ZNF100: variants seen among roughly 807,000 people sequenced by gnomAD.
The protein encoded by ZNF100 is zinc finger protein 100 (Y1).
A neutral mutation model predicts 15.8 loss-of-function variants in ZNF100; 12 were observed. The observed-to-expected ratio is 0.76, with a 90% CI of 0.49 to 1.23. The LOEUF (loss-of-function observed/expected upper bound fraction) is 1.23, where lower values mean the gene tolerates loss of function less well. Ranked by LOEUF, ZNF100 falls within the 50% of genes most tolerant of loss-of-function variation. The probability of loss-of-function intolerance (pLI) is 0.00; values close to 1 mark genes in which losing one functional copy is unlikely to be tolerated. For synonymous variants in ZNF100, 226 were observed against 214.8 expected (o/e 1.05, Z -0.45); for missense variants, 670 against 635.6 (o/e 1.05, Z -0.58).
intron 2 of ZNF100, chr19:21,750,854 A>C: frequency 2.0e-6 from 1 of 491,450 alleles, no homozygotes; most frequent in Non-Finnish European, 3.6e-6. Flanking sequence ...CCCATGGGGA[A>C]CACGCTGACC....
At position 21,747,935 on chromosome 19, in the gene ZNF100, A is replaced by G. The variant is rs144084308; in HGVS notation, c.97-2868T>C. Among the ~76,000 whole-genome samples the G allele has an allele frequency of 6.5e-3, 982 of 152,100 alleles. 29 individuals are homozygous for G. The highest frequency in any genetic ancestry group is 0.049 in the Admixed American group (739 of 15,206). The stretch of plus-strand genomic sequence containing the variant: ...TTCTCAGGATTTAGATAAAGGGCCC[A>G]GCATTATTACTTCTTCCTCTGTTTC... On this transcript the variant is annotated intron_variant, in intron 2 of 4. Transcript: ENST00000358296.
At chr19:21,734,389 AAAC>A (rs1341061123) in intron 4 of ZNF100, among the ~76,000 whole-genome samples, 3 of 152,234 alleles carry the variant, frequency 2.0e-5, no homozygotes, top group Admixed American at 6.5e-5. Flanking sequence ...TGCAACTGAA[AAAC>A]AACATGAGAA....
In ZNF100 at chr19:21,723,009, T is replaced by C. The variant is rs1293781579; in HGVS notation, c.*3674A>G. ...TATCTTAACTAATCCGAAAGTTATA[T>C]TGATAACCAAACTCTCCAGTTAAAA... On this transcript the variant is annotated 3_prime_UTR_variant, in exon 5 of 5. Coordinates refer to ENST00000358296, the MANE Select transcript of ZNF100 (RefSeq NM_173531.4). 2 of 151,954 alleles carry C rather than the reference T, an allele frequency of 1.3e-5. No homozygotes were observed. The highest frequency in any genetic ancestry group is 1.5e-5 in the Non-Finnish European group (1 of 68,004). 9.4% of individuals were successfully genotyped at this position (151,954 alleles called of 1,614,324 possible).
At chr19:21,761,161 A>G (rs897800210) in intron 2 of ZNF100, among the ~76,000 whole-genome samples, 1 of 152,114 alleles carries the variant, frequency 6.6e-6, no homozygotes, top group Non-Finnish European at 1.5e-5. Context: ...CTGAAGTAAT[A>G]TTTTTTGACT....
At position 21,767,447 on chromosome 19, in the gene ZNF100, G is replaced by A; in HGVS notation, c.-18C>T. The A allele has an allele frequency of 1.9e-6, 3 of 1,614,122 alleles. No homozygotes were observed. Among genetic ancestry groups the A allele is most frequent in the Non-Finnish European group, 2.5e-6 (3 of 1,179,994 alleles). On this transcript the variant is annotated 5_prime_UTR_variant, in exon 1 of 5. Coordinates refer to ENST00000358296, the MANE Select transcript of ZNF100 (RefSeq NM_173531.4). Reference sequence around the variant, plus strand: ...CTCACCATTTCTAGGCTTCTAGGGGGTCCTGGCGTCTTAGCTGTGGATCTC... The same window carrying A: ...CTCACCATTTCTAGGCTTCTAGGGGATCCTGGCGTCTTAGCTGTGGATCTC...
chr19:21,743,586 A>G (rs1178938712), intron 4 of ZNF100, among the ~76,000 whole-genome samples: 1 of 151,070 alleles, frequency 6.6e-6, no homozygotes, highest in African/African-American at 2.4e-5. Context: ...CAAACAAAAC[A>G]ACGGAACAGA....
chr19:21,725,403 A>G lies in ZNF100; in HGVS notation c.*1280T>C, dbSNP rs2035759576. ...CTTATAAATGAAATTAAGTTTTCTCATAATGCAGAATATTACTCTGAATGC... is the reference window on the plus strand; with the variant it reads ...CTTATAAATGAAATTAAGTTTTCTCGTAATGCAGAATATTACTCTGAATGC... On this transcript the variant is annotated 3_prime_UTR_variant, in exon 5 of 5. Coordinates refer to ENST00000358296, the MANE Select transcript of ZNF100 (RefSeq NM_173531.4). 1 of 152,188 alleles carries G rather than the reference A, an allele frequency of 6.6e-6. No individual in the cohort carries two copies. Among genetic ancestry groups the G allele is most frequent in the African/African-American group, 2.4e-5 (1 of 41,470 alleles). 9.4% of individuals were successfully genotyped at this position (152,188 alleles called of 1,614,324 possible). A position where few individuals can be genotyped will look rare whatever the true frequency, so the allele number is the denominator to read the frequency against.
In ZNF100 at chr19:21,726,976, T is replaced by C. The variant is rs2035804348; in HGVS notation, c.1336A>G (p.Thr446Ala). The change falls in exon 5 of 5, where the codon ACC becomes GCC. Residue 446 changes from threonine to alanine, a missense_variant. By Grantham distance (58) the Thr-to-Ala change is moderately conservative. Transcript: ENST00000358296. ...TCTCCAGTATGAATCATCTTATGGG[T>C]AGTAAGGTTTGAGGACTCATTAAAA... ...KAFNESSNLT[T>A]HKMIHTGEKP... 2 of 1,612,940 alleles carry C rather than the reference T, an allele frequency of 1.2e-6. No individual in the cohort carries two copies. The highest frequency in any genetic ancestry group is 1.1e-5 in the South Asian group (1 of 90,874).
intron 4 of ZNF100, among the ~76,000 whole-genome samples, chr19:21,738,111 T>C (rs2145704159): frequency 6.6e-6 from 1 of 151,132 alleles, no homozygotes; most frequent in Non-Finnish European, 1.5e-5. Flanking sequence ...ATTATCTGGG[T>C]GTGGTAGCGC....
chr19:21,756,041 C>T (rs952457100), intron 2 of ZNF100, among the ~76,000 whole-genome samples: 5 of 152,040 alleles, frequency 3.3e-5, no homozygotes, highest in Admixed American at 6.6e-5. Context: ...AGTGTATCTC[C>T]CTGCTTTTTT....
At chr19:21,765,968 T>G (rs2036553536) in intron 1 of ZNF100, among the ~76,000 whole-genome samples, 182 bp from the exon 2 acceptor site, 1 of 152,078 alleles carries the variant, frequency 6.6e-6, no homozygotes, top group Admixed American at 6.6e-5. Context: ...CCCAAAAACA[T>G]TCTGATAAAT....
intron 4 of ZNF100, among the ~76,000 whole-genome samples, chr19:21,730,552 A>C (rs1307051672): frequency 1.4e-5 from 2 of 137,968 alleles, no homozygotes; most frequent in African/African-American, 5.3e-5. Flanking sequence ...CAGCAATACT[A>C]TAGTAGGACA....
At chr19:21,741,398 G>A (rs953214903) in intron 4 of ZNF100, among the ~76,000 whole-genome samples, 3 of 151,556 alleles carry the variant, frequency 2.0e-5, no homozygotes, top group African/African-American at 7.3e-5. Flanking sequence ...TTTTTGAGAC[G>A]GTGTTTTGCT....
rs762234599 is a variant in ZNF100 at position 21,727,751 on chromosome 19, A to G, written c.561T>C (p.His187=). ...TATGTCTGTTTGAATTTGAAAATGT[A>G]TGAAAGACTTTTGCAGATGGATCAC... ...FQCDPSAKVF[H]TFSNSNRHKI... The change falls in exon 5 of 5, where the codon CAT becomes CAC. Residue 187 remains histidine, a synonymous_variant. Coordinates refer to ENST00000358296, the MANE Select transcript of ZNF100 (RefSeq NM_173531.4). The G allele has an allele frequency of 2.5e-6, 4 of 1,613,918 alleles. No individual in the cohort carries two copies. In the South Asian group the frequency reaches 4.4e-5, roughly 18 times the overall value.
rs571870877 is a variant in ZNF100 at position 21,764,204 on chromosome 19, G to C, written c.96+1490C>G. On this transcript the variant is annotated intron_variant, in intron 2 of 4. Coordinates refer to ENST00000358296, the MANE Select transcript of ZNF100 (RefSeq NM_173531.4). ...GGCTCAATATTAGCCTTAGCTCTGA[G>C]TCACTGGGACCAAGCTCTAATTTCC... Among the ~76,000 whole-genome samples, 3 of 152,286 alleles carry C rather than the reference G, an allele frequency of 2.0e-5. No individual in the cohort carries two copies. The South Asian group carries it at 6.2e-4, about 32-fold the overall frequency.
In ZNF100 at chr19:21,723,871, G is replaced by C. The variant is rs554204786; in HGVS notation, c.*2812C>G. The C allele has an allele frequency of 2.6e-5, 4 of 152,118 alleles. No individual in the cohort carries two copies. The South Asian group carries it at 6.2e-4, about 24-fold the overall frequency. 9.4% of individuals were successfully genotyped at this position (152,118 alleles called of 1,614,324 possible). On this transcript the variant is annotated 3_prime_UTR_variant, in exon 5 of 5. Transcript: ENST00000358296. ...TTATGTCAACTATAAAAAGTGAAAA[G>C]AAAAATAACTAAAGGGCTATAGAGT...
intron 2 of ZNF100, among the ~76,000 whole-genome samples, chr19:21,748,745 C>A (rs1049682758): frequency 2.6e-5 from 4 of 152,198 alleles, no homozygotes; most frequent in African/African-American, 9.7e-5. Flanking sequence ...ATTCTTGTCA[C>A]CCAGGCTGGA....
chr19:21,725,695 AGTT>A lies in ZNF100; in HGVS notation c.*985_*987del. The A allele has an allele frequency of 6.6e-6, 1 of 151,578 alleles. No homozygotes were observed. The highest frequency in any genetic ancestry group is 1.9e-4 in the East Asian group (1 of 5,204). 9.4% of individuals were successfully genotyped at this position (151,578 alleles called of 1,614,324 possible). ...TTCAAAAAATCTAATTTTTTCAAAAAGTTAAGCATACTTTGAATGCAATAACTG... is the reference window on the plus strand; with the variant it reads ...TTCAAAAAATCTAATTTTTTCAAAAAAAGCATACTTTGAATGCAATAACTG... On this transcript the variant is annotated 3_prime_UTR_variant, in exon 5 of 5. Transcript: ENST00000358296.
Position 21,745,068 on chromosome 19 carries a change from C to T in ZNF100, c.97-1G>A. The T allele has an allele frequency of 1.2e-6, 2 of 1,609,504 alleles. No homozygotes were observed. The highest frequency in any genetic ancestry group is 2.2e-5 in the South Asian group (2 of 90,162). On this transcript the variant is annotated splice_acceptor_variant, in intron 2 of 4. Coordinates refer to ENST00000358296, the MANE Select transcript of ZNF100 (RefSeq NM_173531.4). LOFTEE classifies it high-confidence loss of function. ...CCACATCCCTAAACGTCAATGGCCC[C>T]TGAAAAGCACAAGCACAGAGACACA...
Sources: gnomAD v4.1 joint callset for allele counts (sites outside exome capture counted in the v4.1 genomes callset) on GRCh38, gnomAD v4.1.1 for gene constraint, MANE v1.5 for transcripts, NCBI Gene and HGNC (gene_info 2026-07-23, HGNC 2026-07-21) for gene names.